The following SORL1 variants were observed in gnomAD, a reference collection of about 807,000 sequenced individuals.
The protein encoded by SORL1 is sortilin related receptor 1, also known as sortilin-related receptor.
SORL1 carries 127 observed loss-of-function variants against 273.7 expected under a neutral mutation model. That is an observed-to-expected ratio of 0.46 (90% confidence interval 0.40 to 0.54). The LOEUF is 0.54. SORL1 is among the 20% of genes least tolerant of loss of function. SORL1 has a pLI of 0.00. For missense variants in SORL1, 2,494 were observed against 2,846.1 expected, an observed-to-expected ratio of 0.88 and a Z score of 2.81; for synonymous variants, 1,031 against 1,067.4, an observed-to-expected ratio of 0.97 and a Z score of 0.66.
chr11:121,468,701 G>A (rs866483006), intron 1 of SORL1, among the ~76,000 whole-genome samples: 5 of 152,120 alleles, frequency 3.3e-5, no homozygotes, highest in Non-Finnish European at 5.9e-5. Flanking sequence ...GATTACAGTC[G>A]TGGGCCACCG....
intron 10 of SORL1, 76 bp from the exon 11 acceptor site, chr11:121,522,840 C>A: frequency 7.0e-7 from 1 of 1,424,664 alleles, no homozygotes; most frequent in Non-Finnish European, 9.9e-7. Context: ...AGATACTACG[C>A]AGAATTTCTG....
intron 25 of SORL1, among the ~76,000 whole-genome samples, chr11:121,581,934 C>G (rs1863020974): frequency 6.6e-6 from 1 of 152,188 alleles, no homozygotes; most frequent in South Asian, 2.1e-4. Context: ...ACGAATAAAT[C>G]AAAAGTATTC....
Position 121,633,500 on chromosome 11 carries a change from G to A in SORL1, c.*3937G>A, listed in dbSNP as rs1428205936. 6.6e-6 allele frequency: 1 copy of A among 152,180 alleles called. No individual in the cohort carries two copies. Among genetic ancestry groups the A allele is most frequent in the Non-Finnish European group, 1.5e-5 (1 of 68,036 alleles). 9.4% of individuals were successfully genotyped at this position (152,180 alleles called of 1,614,324 possible). A position where few individuals can be genotyped will look rare whatever the true frequency, so the allele number is the denominator to read the frequency against. ...CTACTCTTATTTAAAGTGAAACACT[G>A]TATACTTGTTTCTCTCCAAAGCGAA... On this transcript the variant is annotated 3_prime_UTR_variant, in exon 48 of 48. Coordinates refer to ENST00000260197, the MANE Select transcript of SORL1 (RefSeq NM_003105.6).
At chr11:121,568,938 C>T (rs1339121934) in intron 22 of SORL1, among the ~76,000 whole-genome samples, 3 of 152,222 alleles carry the variant, frequency 2.0e-5, no homozygotes, top group Non-Finnish European at 2.9e-5. Context: ...TCCCCCTTTA[C>T]CATCATGTTA....
intron 32 of SORL1, among the ~76,000 whole-genome samples, chr11:121,600,459 C>T (rs752411684): frequency 2.0e-5 from 3 of 152,198 alleles, no homozygotes; most frequent in Non-Finnish European, 2.9e-5. Context: ...TGATCCCACA[C>T]TCACCAAAAT....
intron 1 of SORL1, among the ~76,000 whole-genome samples, chr11:121,456,546 A>G (rs1045262517): frequency 1.3e-5 from 2 of 152,226 alleles, no homozygotes; most frequent in African/African-American, 2.4e-5. Context: ...TGCAAGCGGC[A>G]TGGCCTACAG....
intron 24 of SORL1, among the ~76,000 whole-genome samples, chr11:121,576,188 A>G (rs1285163608): frequency 1.3e-5 from 2 of 152,204 alleles, no homozygotes; most frequent in African/African-American, 4.8e-5. Flanking sequence ...TAATTTATAA[A>G]CAATAGTATT....
intron 8 of SORL1, among the ~76,000 whole-genome samples, 197 bp from the exon 9 acceptor site, chr11:121,520,460 G>A (rs543983831): frequency 2.0e-5 from 3 of 152,290 alleles, no homozygotes; most frequent in African/African-American, 7.2e-5. Context: ...GAAATGGAGA[G>A]TGACTGCCAG....
chr11:121,604,614 A>G (rs1863441964), intron 33 of SORL1, among the ~76,000 whole-genome samples: 1 of 151,932 alleles, frequency 6.6e-6, no homozygotes, highest in African/African-American at 2.4e-5. Flanking sequence ...CACAGTCTCA[A>G]TCTGCTGGTG....
chr11:121,560,327 T>C (rs1022088779), intron 21 of SORL1, among the ~76,000 whole-genome samples: 1 of 152,190 alleles, frequency 6.6e-6, no homozygotes, highest in Non-Finnish European at 1.5e-5. Context: ...AGAGATCTAC[T>C]GGGTGAGGCT....
chr11:121,605,090 C>G, intron 33 of SORL1, 23 bp from the exon 34 acceptor site: 1 of 1,592,400 alleles, frequency 6.3e-7, no homozygotes, highest in Non-Finnish European at 8.6e-7. Flanking sequence ...CTTTGTTTGT[C>G]TTTTTCTCCT....
intron 38 of SORL1, 103 bp downstream of exon 38, chr11:121,608,279 C>T: frequency 2.1e-6 from 2 of 941,590 alleles, no homozygotes; most frequent in Non-Finnish European, 3.3e-6. Flanking sequence ...TTTAGAAAAA[C>T]ATCACACAAC....
chr11:121,586,201 T>C lies in SORL1; in HGVS notation c.3707-21T>C, dbSNP rs780058965. ...CTGTTTCCTCCTCGTCATTCTTCTG[T>C]GTTGTTGAATTCTATTTCAGAGAAG... On this transcript the variant is annotated intron_variant, in intron 26 of 47. Transcript: ENST00000260197. 1.9e-6 allele frequency: 3 copies of C among 1,563,800 alleles called. No individual in the cohort carries two copies. The South Asian group carries it at 3.3e-5, about 17-fold the overall frequency.
At chr11:121,485,932 C>T (rs761435945) in intron 3 of SORL1, among the ~76,000 whole-genome samples, 2 of 152,120 alleles carry the variant, frequency 1.3e-5, no homozygotes, top group Admixed American at 6.5e-5. Context: ...CGTGAGAGAG[C>T]GAATCCACAA....
At chr11:121,611,419 C>T in intron 39 of SORL1, 1 of 321,626 alleles carries the variant, frequency 3.1e-6, no homozygotes, top group Non-Finnish European at 5.8e-6. Flanking sequence ...TTCACAGCTA[C>T]AGTGCAAATA....
chr11:121,594,221 A>G (rs1348242419), intron 31 of SORL1, among the ~76,000 whole-genome samples: 1 of 152,016 alleles, frequency 6.6e-6, no homozygotes, highest in Non-Finnish European at 1.5e-5. Context: ...CTTTGCTCTG[A>G]GACCCTTTCC....
intron 11 of SORL1, among the ~76,000 whole-genome samples, chr11:121,531,510 T>C (rs1013226766): frequency 1.3e-5 from 2 of 152,260 alleles, no homozygotes; most frequent in Admixed American, 6.5e-5. Flanking sequence ...GTATGCTGTA[T>C]GTTAAGTAAT....
chr11:121,576,047 C>T (rs187595023), intron 24 of SORL1, among the ~76,000 whole-genome samples: 25 of 152,322 alleles, frequency 1.6e-4, no homozygotes, highest in African/African-American at 5.5e-4. Flanking sequence ...AGCCTCTTGG[C>T]GAGAATGACT....
chr11:121,518,938 CTT>C (rs1861992848), intron 8 of SORL1, among the ~76,000 whole-genome samples: 1 of 149,902 alleles, frequency 6.7e-6, no homozygotes, highest in South Asian at 2.1e-4. Context: ...AGCTTCCAGT[CTT>C]TTTTCTTTTT....
Sources: gnomAD v4.1 joint callset for allele counts (sites outside exome capture counted in the v4.1 genomes callset) on GRCh38, gnomAD v4.1.1 for gene constraint, MANE v1.5 for transcripts, NCBI Gene and HGNC (gene_info 2026-07-23, HGNC 2026-07-21) for gene names.